RCOR2: variants seen among roughly 807,000 people sequenced by gnomAD.
The protein encoded by RCOR2 is REST corepressor 2.
In RCOR2, 19 loss-of-function variants were observed where a neutral mutation model predicts 58.9. The ratio of observed to expected loss-of-function variants is 0.32; its 90% CI spans 0.23 to 0.47. RCOR2 has a LOEUF of 0.47. Ranked by LOEUF, RCOR2 falls within the 20% of genes least tolerant of loss-of-function variation. The probability of loss-of-function intolerance (pLI) is 1.00; values close to 1 mark genes in which losing one functional copy is unlikely to be tolerated. For synonymous variants in RCOR2, 286 were observed against 278.7 expected, an observed-to-expected ratio of 1.03 and a Z score of -0.26; for missense variants, 590 against 707.9, an observed-to-expected ratio of 0.83 and a Z score of 1.89.
chr11:63,927,271 G>GT, the RCOR2 span, among the ~76,000 whole-genome samples: 16 of 150,594 alleles, frequency 1.1e-4, no homozygotes, highest in South Asian at 1.9e-3. Context: ...TTTGTTTTTT[G>GT]TTTTTTTGTG....
chr11:63,916,540 GC>G lies in RCOR2; in HGVS notation c.-85del. 1 of 1,500,562 alleles carries G rather than the reference GC, an allele frequency of 6.7e-7. No homozygotes were observed. Among genetic ancestry groups the G allele is most frequent in the Non-Finnish European group, 8.9e-7 (1 of 1,127,028 alleles). 93.0% of individuals were successfully genotyped at this position (1,500,562 alleles called of 1,614,324 possible). A position where few individuals can be genotyped will look rare whatever the true frequency, so the allele number is the denominator to read the frequency against. ...GCACTCGCTCCGAGTGCCGAGCCCG[GC>G]CCGGCCTGGAGAGGTCGCCACTGAG... On this transcript the variant is annotated 5_prime_UTR_variant, in exon 1 of 12. Coordinates refer to ENST00000301459, the MANE Select transcript of RCOR2 (RefSeq NM_173587.4).
intron 2 of RCOR2, 134 bp from the exon 3 acceptor site, chr11:63,915,392 C>A: frequency 9.0e-7 from 1 of 1,105,746 alleles, no homozygotes; most frequent in South Asian, 1.4e-5. Flanking sequence ...GGCAGAGACC[C>A]AGACAGGAAG....
chr11:63,925,144 C>T, the RCOR2 span, among the ~76,000 whole-genome samples: 5 of 152,072 alleles, frequency 3.3e-5, no homozygotes, highest in East Asian at 1.9e-4. Context: ...TGAGCCACTG[C>T]GCCCAGCCTC....
chr11:63,914,582 T>C (rs1941829779), intron 5 of RCOR2, 41 bp from the exon 6 acceptor site: 1 of 1,612,148 alleles, frequency 6.2e-7, no homozygotes, highest in Non-Finnish European at 8.5e-7. Flanking sequence ...CACTCAAGAC[T>C]CTGGGCCCCA....
In RCOR2 at chr11:63,916,622, T is replaced by G; in HGVS notation, c.-166A>C. On this transcript the variant is annotated 5_prime_UTR_variant, in exon 1 of 12. Coordinates refer to ENST00000301459, the MANE Select transcript of RCOR2 (RefSeq NM_173587.4). ...GGGTCCGGCGGGGTGGGAGCCCACC[T>G]GGTAGCCCCAGCGCTCTCCACGACC... is the stretch of plus-strand genomic sequence containing the variant. The G allele has an allele frequency of 8.2e-7, 1 of 1,218,580 alleles. No individual in the cohort carries two copies. The highest frequency in any genetic ancestry group is 1.1e-6 in the Non-Finnish European group (1 of 905,648). 75.5% of individuals were successfully genotyped at this position (1,218,580 alleles called of 1,614,324 possible). A position where few individuals can be genotyped will look rare whatever the true frequency, so the allele number is the denominator to read the frequency against.
At chr11:63,913,209 G>C (rs559535288) in intron 8 of RCOR2, among the ~76,000 whole-genome samples, 1 of 104,292 alleles carries the variant, frequency 9.6e-6, no homozygotes, top group East Asian at 2.3e-4. Context: ...TTTTTGAGAA[G>C]GAGTTTTATT....
At chr11:63,913,615 T>C (rs1309577676) in intron 8 of RCOR2, among the ~76,000 whole-genome samples, 1 of 151,822 alleles carries the variant, frequency 6.6e-6, no homozygotes, top group Non-Finnish European at 1.5e-5. Context: ...CCCGAGTAGC[T>C]GGGATTACAG....
At chr11:63,925,648 G>A in the RCOR2 span, among the ~76,000 whole-genome samples, 1 of 143,778 alleles carries the variant, frequency 7.0e-6, no homozygotes, top group East Asian at 2.0e-4. Flanking sequence ...CAAGACCCCT[G>A]CCTCTACAAA....
upstream of RCOR2, among the ~76,000 whole-genome samples, chr11:63,917,742 G>C (rs2134250204): frequency 6.6e-6 from 1 of 152,278 alleles, no homozygotes; most frequent in South Asian, 2.1e-4. Flanking sequence ...AACTGCTGCA[G>C]TATGCACCCC....
chr11:63,912,530 G>A lies in RCOR2; in HGVS notation c.1032C>T (p.Ile344=). Residue 344 remains isoleucine (I), a synonymous_variant, in exon 11 of 12, where the codon ATC becomes ATT. Coordinates refer to ENST00000301459, the MANE Select transcript of RCOR2 (RefSeq NM_173587.4). ...CCCCAAAGTCTTTGCCATACCTACGGATGGCTGCAAGGGTCAAAAGGGCAG... is the reference window on the plus strand; with the variant it reads ...CCCCAAAGTCTTTGCCATACCTACGAATGGCTGCAAGGGTCAAAAGGGCAG... ...TDEQLLAVQA[I]RRYGKDFGAI... is the part of the protein sequence containing the mutation. The A allele has an allele frequency of 2.5e-6, 4 of 1,611,482 alleles. No homozygotes were observed. Among genetic ancestry groups the A allele is most frequent in the South Asian group, 1.1e-5 (1 of 91,032 alleles).
upstream of RCOR2, among the ~76,000 whole-genome samples, chr11:63,920,662 G>A (rs1330383123): frequency 6.6e-6 from 1 of 152,206 alleles, no homozygotes; most frequent in Admixed American, 6.5e-5. Flanking sequence ...CTGGGGGCCT[G>A]GCGGGAGGTG....
In RCOR2 at chr11:63,911,581, A is replaced by G; in HGVS notation, c.*284T>C. On this transcript the variant is annotated 3_prime_UTR_variant, in exon 12 of 12. Coordinates refer to ENST00000301459, the MANE Select transcript of RCOR2 (RefSeq NM_173587.4). ...CACAAAGGGCAGGACCCAGAGGCCA[A>G]GCCCCAGCAGACTAGGACACAGCCA... 1 of 345,740 alleles carries G rather than the reference A, an allele frequency of 2.9e-6. No individual in the cohort carries two copies. Among genetic ancestry groups the G allele is most frequent in the Non-Finnish European group, 5.2e-6 (1 of 194,150 alleles). 21.4% of individuals were successfully genotyped at this position (345,740 alleles called of 1,614,324 possible).
At chr11:63,923,395 TA>T in the RCOR2 span, among the ~76,000 whole-genome samples, 73,418 of 148,474 alleles carry the variant, frequency 0.49, 20,076 homozygotes, top group East Asian at 0.88. Context: ...ATTGCTGCCT[TA>T]AAAAAAAAAA....
At chr11:63,919,063 G>T (rs1022063667), upstream of RCOR2, among the ~76,000 whole-genome samples, 5 of 152,214 alleles carry the variant, frequency 3.3e-5, no homozygotes, top group African/African-American at 1.2e-4. Flanking sequence ...TGGGGACAGG[G>T]AGGGGAGGTT....
intron 10 of RCOR2, 63 bp from the exon 11 acceptor site, chr11:63,912,597 T>C: frequency 6.3e-7 from 1 of 1,591,792 alleles, no homozygotes; most frequent in Non-Finnish European, 8.6e-7. Context: ...CCCTGACCCT[T>C]CCCCTCTGCC....
Position 63,912,032 on chromosome 11 carries a change from G to A in RCOR2, c.1405C>T (p.Pro469Ser). The part of the protein sequence containing the change: ...TAPTLLRQPP[P>S]LQQGRFLQPR... ...TGGAGGAAGCGGCCCTGCTGCAGTGGGGGTGGCTGTCGGAGCAGAGTGGGA... is the reference window on the plus strand; with the variant it reads ...TGGAGGAAGCGGCCCTGCTGCAGTGAGGGTGGCTGTCGGAGCAGAGTGGGA... The change falls in exon 12 of 12, where the codon CCA (proline) becomes TCA (serine). Residue 469 changes from proline (P) to serine (S), a missense_variant. Transcript: ENST00000301459. 2.0e-6 allele frequency: 3 copies of A among 1,476,458 alleles called. No homozygotes were observed. Among genetic ancestry groups the A allele is most frequent in the Non-Finnish European group, 1.8e-6 (2 of 1,119,742 alleles). The allele number at this position is 1,476,458 out of a possible 1,614,324, so 91.5% of individuals were successfully genotyped here.
the RCOR2 span, among the ~76,000 whole-genome samples, chr11:63,924,939 C>T: frequency 1.3e-5 from 2 of 151,652 alleles, no homozygotes; most frequent in South Asian, 4.2e-4. Context: ...CAACCTCCAC[C>T]TCCTGGGTTC....
chr11:63,916,603 G>C lies in RCOR2; in HGVS notation c.-147C>G. On this transcript the variant is annotated 5_prime_UTR_variant, in exon 1 of 12. Transcript: ENST00000301459. ...CAGGAGGTCAGCGTGGCTAGGGTCCGGCGGGGTGGGAGCCCACCTGGTAGC... is the reference window on the plus strand; with the variant it reads ...CAGGAGGTCAGCGTGGCTAGGGTCCCGCGGGGTGGGAGCCCACCTGGTAGC... 7.3e-7 allele frequency: 1 copy of C among 1,361,860 alleles called. No individual in the cohort carries two copies. Among genetic ancestry groups the C allele is most frequent in the Non-Finnish European group, 9.7e-7 (1 of 1,035,412 alleles). 84.4% of individuals were successfully genotyped at this position (1,361,860 alleles called of 1,614,324 possible).
the RCOR2 span, among the ~76,000 whole-genome samples, chr11:63,926,785 T>TTG: frequency 1.1e-4 from 14 of 127,966 alleles, no homozygotes; most frequent in Middle Eastern, 3.5e-3. Flanking sequence ...GCCTGTTTTT[T>TTG]TTTTTTGTTT....
Sources: allele counts gnomAD v4.1 joint callset (sites outside exome capture counted in the v4.1 genomes callset), GRCh38; gene constraint gnomAD v4.1.1; transcripts MANE v1.5; gene names NCBI Gene and HGNC (gene_info 2026-07-23, HGNC 2026-07-21).